Variants in ZC3HAV1 observed in about 807,000 individuals in gnomAD.
ZC3HAV1 encodes the protein zinc finger CCCH-type containing, antiviral 1.
In ZC3HAV1, 41 loss-of-function variants were observed where a neutral mutation model predicts 86.6. That is an observed-to-expected ratio of 0.47 (90% confidence interval 0.37 to 0.61). The LOEUF (loss-of-function observed/expected upper bound fraction) is 0.61. ZC3HAV1 is among the 20% of genes least tolerant of loss of function. The pLI is 0.00. For missense variants in ZC3HAV1, 964 were observed against 1,141.1 expected (o/e 0.84, Z 2.24); for synonymous variants, 421 against 432.1 (o/e 0.97, Z 0.32).
chr7:139,099,333 G>A (rs1291831736), intron 1 of ZC3HAV1, among the ~76,000 whole-genome samples: 1 of 152,188 alleles, frequency 6.6e-6, no homozygotes, highest in Non-Finnish European at 1.5e-5. Context: ...ATTAGTTACA[G>A]AAGGAACTTC....
At chr7:139,093,037 G>T (rs971162865) in intron 1 of ZC3HAV1, among the ~76,000 whole-genome samples, 1 of 151,966 alleles carries the variant, frequency 6.6e-6, no homozygotes, top group African/African-American at 2.4e-5. Flanking sequence ...CTTCTACTTG[G>T]GTTAATTACA....
intron 7 of ZC3HAV1, among the ~76,000 whole-genome samples, chr7:139,069,711 A>G (rs1364360505): frequency 6.6e-6 from 1 of 152,170 alleles, no homozygotes; most frequent in African/African-American, 2.4e-5. Context: ...ATAAAAGGAT[A>G]TCTATTTTAC....
At chr7:139,104,199 T>A (rs1817857942) in intron 1 of ZC3HAV1, among the ~76,000 whole-genome samples, 1 of 152,084 alleles carries the variant, frequency 6.6e-6, no homozygotes, top group Admixed American at 6.6e-5. Flanking sequence ...CAACTAGTCC[T>A]CTTCCCATCT....
In ZC3HAV1 at chr7:139,079,802, G is replaced by A. The variant is rs753401504; in HGVS notation, c.1139C>T (p.Thr380Met). ...GARRKTVFSP[T>M]LPAARSSLGS... ...AAGAGAAGAGCGGGCGGCAGGTAGCGTGGGAGAAAACACAGTCTTTCTCCT... is the reference window on the plus strand; with the variant it reads ...AAGAGAAGAGCGGGCGGCAGGTAGCATGGGAGAAAACACAGTCTTTCTCCT... The change falls in exon 4 of 13, where the codon ACG becomes ATG. Residue 380 changes from threonine to methionine, a missense_variant. Thr to Met is a moderately conservative substitution (Grantham distance 81). Coordinates refer to ENST00000242351, the MANE Select transcript of ZC3HAV1 (RefSeq NM_020119.4). 1.9e-5 allele frequency: 30 copies of A among 1,614,030 alleles called. No homozygotes were observed. Among genetic ancestry groups the A allele is most frequent in the Middle Eastern group, 1.6e-4 (1 of 6,084 alleles).
intron 5 of ZC3HAV1, among the ~76,000 whole-genome samples, chr7:139,078,099 C>T (rs1030821251): frequency 4.6e-5 from 7 of 152,244 alleles, no homozygotes; most frequent in East Asian, 1.9e-4. Context: ...ATTAGCCGGA[C>T]GGGGTGGCAC....
At chr7:139,075,962 G>A (rs1195492109) in intron 6 of ZC3HAV1, among the ~76,000 whole-genome samples, 8 of 152,090 alleles carry the variant, frequency 5.3e-5, no homozygotes, top group Admixed American at 1.3e-4. Context: ...GATACGAGCC[G>A]GACACTGAAC....
At chr7:139,048,614 A>C (rs1816031039) in intron 12 of ZC3HAV1, among the ~76,000 whole-genome samples, 5 of 152,186 alleles carry the variant, frequency 3.3e-5, no homozygotes. Flanking sequence ...AAAAATACTA[A>C]TAATATTTTC....
intron 9 of ZC3HAV1, among the ~76,000 whole-genome samples, chr7:139,058,755 G>C (rs1375514629): frequency 6.6e-6 from 1 of 152,110 alleles, no homozygotes; most frequent in Admixed American, 6.5e-5. Context: ...AAATGGAAAA[G>C]CACGAAGCAA....
At chr7:139,080,430 T>C (rs1162818884) in intron 3 of ZC3HAV1, among the ~76,000 whole-genome samples, 187 bp from the exon 4 acceptor site, 2 of 152,080 alleles carry the variant, frequency 1.3e-5, no homozygotes, top group Non-Finnish European at 2.9e-5. Context: ...GTTTTTTTTG[T>C]TTTTGTTTTT....
At chr7:139,069,376 G>C (rs2130690372) in intron 7 of ZC3HAV1, among the ~76,000 whole-genome samples, 1 of 152,282 alleles carries the variant, frequency 6.6e-6, no homozygotes, top group East Asian at 1.9e-4. Context: ...CCTCAACCTT[G>C]GCTTTCTAGA....
At chr7:139,063,701 G>C (rs1816512598) in intron 8 of ZC3HAV1, among the ~76,000 whole-genome samples, 1 of 143,456 alleles carries the variant, frequency 7.0e-6, no homozygotes, top group Non-Finnish European at 1.5e-5. Context: ...TCTAGCCTGA[G>C]TGATGGCGTG....
chr7:139,051,583 T>A (rs770006669), intron 12 of ZC3HAV1, among the ~76,000 whole-genome samples: 2 of 151,990 alleles, frequency 1.3e-5, no homozygotes, highest in Non-Finnish European at 2.9e-5. Context: ...ATTAAAAAAA[T>A]TTGTTTGTAA....
chr7:139,080,285 T>C (rs1223340790), intron 3 of ZC3HAV1, 42 bp from the exon 4 acceptor site: 8 of 1,610,802 alleles, frequency 5.0e-6, no homozygotes, highest in Non-Finnish European at 6.8e-6. Context: ...ATAATGAACA[T>C]TGGAGTTAAT....
intron 1 of ZC3HAV1, among the ~76,000 whole-genome samples, chr7:139,097,416 A>ATTTT (rs1368279713): frequency 6.5e-5 from 5 of 77,180 alleles, no homozygotes; most frequent in African/African-American, 2.4e-4. Context: ...ATATATATAT[A>ATTTT]TATATATATA....
chr7:139,064,462 A>T (rs551371413), intron 8 of ZC3HAV1, among the ~76,000 whole-genome samples: 2 of 152,214 alleles, frequency 1.3e-5, no homozygotes, highest in Admixed American at 1.3e-4. Flanking sequence ...AAACCCTAAA[A>T]GAAACAGCAA....
intron 5 of ZC3HAV1, 56 bp from the exon 6 acceptor site, chr7:139,076,465 C>G: frequency 6.2e-7 from 1 of 1,601,358 alleles, no homozygotes; most frequent in East Asian, 2.2e-5. Context: ...CTAACCAATT[C>G]AGTCAAGTTC....
At chr7:139,087,034 C>T (rs901399772) in intron 2 of ZC3HAV1, among the ~76,000 whole-genome samples, 12 of 152,040 alleles carry the variant, frequency 7.9e-5, no homozygotes, top group Non-Finnish European at 1.2e-4. Flanking sequence ...ATGTGTGGCC[C>T]GATGTTAAAA....
At chr7:139,097,324 T>C (rs1395606584) in intron 1 of ZC3HAV1, among the ~76,000 whole-genome samples, 1 of 143,956 alleles carries the variant, frequency 6.9e-6, no homozygotes, top group East Asian at 2.1e-4. Flanking sequence ...TGAGAAGCAC[T>C]GCTCCAAAGC....
At chr7:139,078,007 G>C (rs1231777106) in intron 5 of ZC3HAV1, among the ~76,000 whole-genome samples, 4 of 152,196 alleles carry the variant, frequency 2.6e-5, no homozygotes, top group Non-Finnish European at 5.9e-5. Context: ...GGAAGGCCGA[G>C]GCGGGTGGAT....
Sources: allele counts gnomAD v4.1 joint callset (sites outside exome capture counted in the v4.1 genomes callset), GRCh38; gene constraint gnomAD v4.1.1; transcripts MANE v1.5; gene names NCBI Gene and HGNC (gene_info 2026-07-23, HGNC 2026-07-21).